The following SEZ6L variants were observed in gnomAD, a reference collection of about 807,000 sequenced individuals.
The protein encoded by SEZ6L is seizure related 6 homolog like, also known as seizure 6-like protein.
In SEZ6L, 37 loss-of-function variants were observed where a neutral mutation model predicts 106.2. That is an observed-to-expected ratio of 0.35 (90% CI 0.27 to 0.46). The LOEUF is 0.46. SEZ6L is among the 20% of genes least tolerant of loss of function. The pLI is 1.00. For missense variants in SEZ6L, 1,172 were observed against 1,332.8 expected, an observed-to-expected ratio of 0.88 and a Z score of 1.88; for synonymous variants, 541 against 570.4, an observed-to-expected ratio of 0.95 and a Z score of 0.73.
chr22:26,239,699 G>A (rs1030186564), intron 1 of SEZ6L, among the ~76,000 whole-genome samples: 2 of 152,084 alleles, frequency 1.3e-5, no homozygotes, highest in African/African-American at 4.8e-5. Flanking sequence ...ATCTTCCCCT[G>A]GTTTCTTATC....
At chr22:26,253,047 G>T (rs1276707207) in intron 1 of SEZ6L, among the ~76,000 whole-genome samples, 1 of 152,184 alleles carries the variant, frequency 6.6e-6, no homozygotes, top group Non-Finnish European at 1.5e-5. Context: ...CCAGGCATTG[G>T]GCTAAGAGTT....
chr22:26,174,296 A>T (rs942934713), intron 1 of SEZ6L, among the ~76,000 whole-genome samples: 3 of 152,206 alleles, frequency 2.0e-5, no homozygotes, highest in African/African-American at 4.8e-5. Flanking sequence ...AAATTTCTAC[A>T]GTAGGATAGG....
intron 11 of SEZ6L, among the ~76,000 whole-genome samples, chr22:26,350,771 T>C (rs1052495783): frequency 4.0e-5 from 6 of 151,532 alleles, no homozygotes; most frequent in Non-Finnish European, 7.4e-5. Context: ...ATTCTCCTGC[T>C]TCAGCCTCCC....
intron 1 of SEZ6L, among the ~76,000 whole-genome samples, chr22:26,173,885 C>T (rs1169969740): frequency 6.6e-6 from 1 of 152,174 alleles, no homozygotes; most frequent in Admixed American, 6.5e-5. Flanking sequence ...CATGGGGGCC[C>T]TATCTTTATG....
Position 26,316,905 on chromosome 22 carries a change from G to GAAAGAAAGAAAGAAAGAAAGAA in SEZ6L, c.2015+3022_2015+3023insGAAAAAGAAAGAAAGAAAGAAA, listed in dbSNP as rs1556343131. Among the ~76,000 whole-genome samples, 190 of 60,996 alleles carry GAAAGAAAGAAAGAAAGAAAGAA rather than the reference G, an allele frequency of 3.1e-3. 2 individuals are homozygous for GAAAGAAAGAAAGAAAGAAAGAA. Among genetic ancestry groups the GAAAGAAAGAAAGAAAGAAAGAA allele is most frequent in the Non-Finnish European group, 4.4e-3 (149 of 34,218 alleles). The allele number at this position is 60,996 out of a possible 152,430, so 40.0% of individuals were successfully genotyped here. A position where few individuals can be genotyped will look rare whatever the true frequency, so the allele number is the denominator to read the frequency against. ...GAAAGAAAGAAAGAGAAAGAAAGAA[G>GAAAGAAAGAAAGAAAGAAAGAA]AAAGAAAGAAAGAAAGAAAAAGAAA... On this transcript the variant is annotated intron_variant, in intron 9 of 16. Transcript: ENST00000248933.
intron 1 of SEZ6L, among the ~76,000 whole-genome samples, chr22:26,211,824 A>AAT (rs1569384078): frequency 6.7e-6 from 1 of 149,564 alleles, no homozygotes; most frequent in African/African-American, 2.4e-5. Context: ...AAAAAAAAAA[A>AAT]AAAAATTTAA....
chr22:26,206,294 C>T lies in SEZ6L; in HGVS notation c.94+36531C>T, dbSNP rs554964536. Among the ~76,000 whole-genome samples, 9 of 152,342 alleles carry T rather than the reference C, an allele frequency of 5.9e-5. No homozygotes were observed. In the East Asian group the frequency reaches 1.7e-3, roughly 29 times the overall value. On this transcript the variant is annotated intron_variant, in intron 1 of 16. Coordinates refer to ENST00000248933, the MANE Select transcript of SEZ6L (RefSeq NM_021115.5). Reference sequence around the variant, plus strand: ...CTGAGAAAATGTCCAGAACCACCTCCTTTACCCCCAATTCCTGCTCCAGAG... The same window carrying T: ...CTGAGAAAATGTCCAGAACCACCTCTTTTACCCCCAATTCCTGCTCCAGAG...
At chr22:26,271,761 C>T (rs549585553) in intron 1 of SEZ6L, among the ~76,000 whole-genome samples, 47 of 152,326 alleles carry the variant, frequency 3.1e-4, no homozygotes, top group Middle Eastern at 3.4e-3. Flanking sequence ...TCTGTACAGC[C>T]TGTGGAACCG....
chr22:26,186,862 T>C (rs1410558699), intron 1 of SEZ6L, among the ~76,000 whole-genome samples: 2 of 152,162 alleles, frequency 1.3e-5, no homozygotes, highest in Non-Finnish European at 2.9e-5. Flanking sequence ...GGGAGTTTAT[T>C]CTCAGCTGTG....
intron 6 of SEZ6L, among the ~76,000 whole-genome samples, chr22:26,306,390 G>A (rs1157172390): frequency 1.3e-5 from 2 of 152,048 alleles, no homozygotes; most frequent in South Asian, 2.1e-4. Flanking sequence ...AGGGGAAGAG[G>A]CAAAAAGGGA....
intron 1 of SEZ6L, among the ~76,000 whole-genome samples, chr22:26,254,413 G>C (rs2079734302): frequency 6.6e-6 from 1 of 152,058 alleles, no homozygotes; most frequent in African/African-American, 2.4e-5. Flanking sequence ...GAGCAGGAAG[G>C]AGGAAAGGAA....
Position 26,383,485 on chromosome 22 carries a change from A to G in SEZ6L, c.*3190A>G, listed in dbSNP as rs902486726. ...ATTCTCCTGGGAAATTTTCATTTCCATTTTATCGCCAAACAAAATAAAAAG... is the reference window on the plus strand; with the variant it reads ...ATTCTCCTGGGAAATTTTCATTTCCGTTTTATCGCCAAACAAAATAAAAAG... On this transcript the variant is annotated 3_prime_UTR_variant, in exon 17 of 17. Coordinates refer to ENST00000248933, the MANE Select transcript of SEZ6L (RefSeq NM_021115.5). 2 of 152,180 alleles carry G rather than the reference A, an allele frequency of 1.3e-5. No homozygotes were observed. The highest frequency in any genetic ancestry group is 4.8e-5 in the African/African-American group (2 of 41,454). The allele number at this position is 152,180 out of a possible 1,614,324, so 9.4% of individuals were successfully genotyped here.
At chr22:26,272,245 T>C (rs564270462) in intron 1 of SEZ6L, among the ~76,000 whole-genome samples, 1 of 152,234 alleles carries the variant, frequency 6.6e-6, no homozygotes, top group Non-Finnish European at 1.5e-5. Context: ...TAGGTCCTAT[T>C]TGAGGAATTT....
At chr22:26,225,421 C>T (rs971595376) in intron 1 of SEZ6L, among the ~76,000 whole-genome samples, 1 of 152,168 alleles carries the variant, frequency 6.6e-6, no homozygotes, top group East Asian at 1.9e-4. Context: ...AGCTATTAGA[C>T]TCGGATTGGC....
At chr22:26,369,929 T>C (rs2083969352) in intron 13 of SEZ6L, among the ~76,000 whole-genome samples, 1 of 152,170 alleles carries the variant, frequency 6.6e-6, no homozygotes. Context: ...AATTTATTTT[T>C]GATAGCACAG....
chr22:26,347,908 A>C lies in SEZ6L; in HGVS notation c.2402A>C (p.Glu801Ala), dbSNP rs778748771. The C allele has an allele frequency of 7.0e-6, 11 of 1,567,580 alleles. No homozygotes were observed. The highest frequency in any genetic ancestry group is 1.4e-5 in the African/African-American group (1 of 71,684). ...LSWSSDPPFC[E>A]KIMYCTDPGE... ...TGGAGCAGCGACCCCCCATTTTGTG[A>C]GAAAAGTAAGAGTGGTCTTGTTTCC... Residue 801 changes from glutamate (E) to alanine (A), a missense_variant, in exon 11 of 17, where the codon GAG becomes GCG. This residue lies in a region of SEZ6L where 534 missense variants were observed against 691.0 expected (regional missense o/e 0.77). Transcript: ENST00000248933.
At chr22:26,319,396 G>A (rs140693980) in intron 9 of SEZ6L, among the ~76,000 whole-genome samples, 29 of 152,322 alleles carry the variant, frequency 1.9e-4, no homozygotes, top group African/African-American at 6.7e-4. Flanking sequence ...TTCTGCAATA[G>A]CTCCCTGTTT....
At chr22:26,297,998 A>C (rs900332398) in intron 4 of SEZ6L, among the ~76,000 whole-genome samples, 2 of 152,110 alleles carry the variant, frequency 1.3e-5, no homozygotes, top group African/African-American at 4.8e-5. Context: ...TTCGTGAACC[A>C]TGCAACCAGA....
intron 9 of SEZ6L, among the ~76,000 whole-genome samples, chr22:26,326,619 C>G (rs1426533310): frequency 6.6e-6 from 1 of 152,176 alleles, no homozygotes; most frequent in Non-Finnish European, 1.5e-5. Context: ...CACTTAGACC[C>G]AGGAGTGCCA....
Sources: allele counts gnomAD v4.1 joint callset (sites outside exome capture counted in the v4.1 genomes callset), GRCh38; gene constraint gnomAD v4.1.1; regional missense constraint gnomAD v4.1.1; transcripts MANE v1.5; gene names NCBI Gene and HGNC (gene_info 2026-07-23, HGNC 2026-07-21).